Variants in MAST4 observed in about 807,000 individuals in gnomAD.
The protein encoded by MAST4 is microtubule associated serine/threonine kinase family member 4, also known as microtubule-associated serine/threonine-protein kinase 4.
MAST4 carries 89 observed loss-of-function variants against 162.7 expected under a neutral mutation model. The ratio of observed to expected loss-of-function variants is 0.55; its 90% CI spans 0.46 to 0.65. The LOEUF is 0.65. Among genes scored for constraint, MAST4 ranks in the 30% least tolerant of loss-of-function variants. MAST4 has a pLI of 0.00. For synonymous variants in MAST4, 1,479 were observed against 1,361.1 expected (o/e 1.09, Z -1.91); for missense variants, 3,153 against 3,374.0 (o/e 0.93, Z 1.62).
At chr5:67,158,435 G>A (rs1218070922) in intron 26 of MAST4, among the ~76,000 whole-genome samples, 1 of 152,044 alleles carries the variant, frequency 6.6e-6, no homozygotes, top group African/African-American at 2.4e-5. Flanking sequence ...AGTCAGCCGT[G>A]GTTGTGTGCT....
chr5:67,138,270 C>T (rs1265651199), intron 19 of MAST4, among the ~76,000 whole-genome samples: 1 of 152,220 alleles, frequency 6.6e-6, no homozygotes, highest in Admixed American at 6.5e-5. Context: ...AACATTTCCT[C>T]CAGAGTCATC....
At chr5:66,690,476 C>G (rs1748969057) in intron 1 of MAST4, among the ~76,000 whole-genome samples, 1 of 152,156 alleles carries the variant, frequency 6.6e-6, no homozygotes, top group South Asian at 2.1e-4. Context: ...GCTTCCCAGC[C>G]ACGAGCTAAA....
At chr5:66,675,747 C>T (rs899535480) in intron 1 of MAST4, among the ~76,000 whole-genome samples, 1 of 152,094 alleles carries the variant, frequency 6.6e-6, no homozygotes, top group Non-Finnish European at 1.5e-5. Flanking sequence ...TGAACTGGAA[C>T]AAAGACCTGA....
chr5:66,983,587 C>G (rs1460916002), intron 4 of MAST4, among the ~76,000 whole-genome samples: 1 of 152,024 alleles, frequency 6.6e-6, no homozygotes, highest in Non-Finnish European at 1.5e-5. Flanking sequence ...ATTAATCTTT[C>G]CATGTTTGAG....
chr5:66,957,253 C>A (rs1369442006), intron 4 of MAST4, among the ~76,000 whole-genome samples: 2 of 151,976 alleles, frequency 1.3e-5, no homozygotes, highest in Non-Finnish European at 2.9e-5. Flanking sequence ...CTTTGTTTAT[C>A]ATAATCTGGC....
At chr5:67,063,417 G>C (rs753693850) in intron 5 of MAST4, among the ~76,000 whole-genome samples, 1 of 152,118 alleles carries the variant, frequency 6.6e-6, no homozygotes, top group Non-Finnish European at 1.5e-5. Flanking sequence ...GGCCCTTTAG[G>C]AAGTCTGTAA....
At chr5:66,873,779 T>A (rs930044406) in intron 3 of MAST4, among the ~76,000 whole-genome samples, 80 of 152,346 alleles carry the variant, frequency 5.3e-4, no homozygotes, top group African/African-American at 1.8e-3. Flanking sequence ...TATATCACCA[T>A]GTAGTCTGAG....
intron 4 of MAST4, among the ~76,000 whole-genome samples, chr5:66,913,262 C>T (rs760214528): frequency 1.3e-5 from 2 of 152,112 alleles, no homozygotes; most frequent in Non-Finnish European, 2.9e-5. Context: ...TTCTCCTGCC[C>T]CTTTGTCATT....
At chr5:66,904,429 A>G (rs568829122) in intron 4 of MAST4, among the ~76,000 whole-genome samples, 1 of 152,226 alleles carries the variant, frequency 6.6e-6, no homozygotes, top group Non-Finnish European at 1.5e-5. Flanking sequence ...GTGGTATTTC[A>G]GATGTCTCCG....
intron 3 of MAST4, among the ~76,000 whole-genome samples, chr5:66,875,010 G>A (rs1441019509): frequency 6.6e-6 from 1 of 152,150 alleles, no homozygotes; most frequent in African/African-American, 2.4e-5. Context: ...TTGTGTTTCT[G>A]TCTGTAGCAT....
chr5:66,769,336 A>G (rs1053833277), intron 2 of MAST4, among the ~76,000 whole-genome samples: 1 of 152,158 alleles, frequency 6.6e-6, no homozygotes, highest in African/African-American at 2.4e-5. Context: ...TGGAAAGAGG[A>G]CTAGAAGCTG....
chr5:66,903,750 G>A (rs1213273396), intron 4 of MAST4, among the ~76,000 whole-genome samples: 2 of 152,176 alleles, frequency 1.3e-5, no homozygotes, highest in African/African-American at 2.4e-5. Flanking sequence ...ATCCCTCAAA[G>A]AGTTGAGACT....
intron 14 of MAST4, 123 bp downstream of exon 14, chr5:67,121,225 C>G: frequency 1.4e-6 from 1 of 722,916 alleles, no homozygotes; most frequent in Admixed American, 2.7e-5. Flanking sequence ...GATCACTGCT[C>G]CTTTCCTGAG....
chr5:67,083,456 G>A (rs1293971221), intron 5 of MAST4, among the ~76,000 whole-genome samples: 1 of 152,070 alleles, frequency 6.6e-6, no homozygotes, highest in African/African-American at 2.4e-5. Flanking sequence ...ATATGGATAT[G>A]TGTTTCATTT....
intron 2 of MAST4, among the ~76,000 whole-genome samples, chr5:66,774,995 CTGTGTG>C (rs33936607): frequency 0.11 from 15,423 of 141,956 alleles, 871 homozygotes; most frequent in African/African-American, 0.17. Context: ...TATCCTTTTC[CTGTGTG>C]TGTGTGTGTG....
chr5:67,117,480 A>G (rs1767055008), intron 12 of MAST4, among the ~76,000 whole-genome samples: 1 of 152,080 alleles, frequency 6.6e-6, no homozygotes, highest in African/African-American at 2.4e-5. Context: ...TTATAAGAAC[A>G]TGAATACATA....
rs1236172845 is a variant in MAST4, at chr5:66,883,420, CTGTTT to C, written c.643-16529_643-16525del. ...AGGGCACAGTTGTGTTGTTCTGTCA[CTGTTT>C]TTTTTTTTTTTTTTTTTTTTTTAGA... On this transcript the variant is annotated intron_variant, in intron 3 of 28. Coordinates refer to ENST00000403625, the MANE Select transcript of MAST4 (RefSeq NM_001164664.2). Among the ~76,000 whole-genome samples the C allele has an allele frequency of 1.1e-3, 142 of 125,502 alleles. 2 individuals are homozygous for C. Among genetic ancestry groups the C allele is most frequent in the African/African-American group, 2.0e-3 (67 of 34,144 alleles). 82.3% of individuals were successfully genotyped at this position (125,502 alleles called of 152,430 possible).
chr5:66,857,406 T>C (rs967538543), intron 3 of MAST4, among the ~76,000 whole-genome samples: 1 of 152,224 alleles, frequency 6.6e-6, no homozygotes, highest in African/African-American at 2.4e-5. Flanking sequence ...GTGAGTATGA[T>C]TGTAGGATCT....
intron 3 of MAST4, among the ~76,000 whole-genome samples, chr5:66,892,155 T>A (rs997526360): frequency 1.3e-5 from 2 of 152,238 alleles, no homozygotes; most frequent in African/African-American, 4.8e-5. Flanking sequence ...TTAAACCAAT[T>A]ACTTTGATGA....
Sources: gnomAD v4.1 joint callset for allele counts (sites outside exome capture counted in the v4.1 genomes callset) on GRCh38, gnomAD v4.1.1 for gene constraint, MANE v1.5 for transcripts, NCBI Gene and HGNC (gene_info 2026-07-23, HGNC 2026-07-21) for gene names.